TBC1D4: variants seen among roughly 807,000 people sequenced by gnomAD.
TBC1D4 encodes the protein TBC (Tre-2, BUB2, CDC16) domain-containing protein.
Under a neutral mutation model 142.5 loss-of-function variants are expected in TBC1D4, and 121 were observed. That is an observed-to-expected ratio of 0.85 (90% CI 0.73 to 0.99). The LOEUF (loss-of-function observed/expected upper bound fraction) is 0.99. TBC1D4 is among the 50% of genes least tolerant of loss of function. The probability of loss-of-function intolerance (pLI) is 0.00; values close to 1 mark genes in which losing one functional copy is unlikely to be tolerated. For missense variants in TBC1D4, 1,475 were observed against 1,606.6 expected, an observed-to-expected ratio of 0.92 and a Z score of 1.40; for synonymous variants, 630 against 628.2, an observed-to-expected ratio of 1.00 and a Z score of -0.04.
intron 4 of TBC1D4, among the ~76,000 whole-genome samples, chr13:75,349,578 T>G (rs1488899177): frequency 6.6e-6 from 1 of 152,246 alleles, no homozygotes; most frequent in Admixed American, 6.5e-5. Flanking sequence ...CATTGAGGGC[T>G]ATGCCGTCAC....
In TBC1D4 at chr13:75,391,195, T is replaced by TACACACACAC. The variant is rs111629817; in HGVS notation, c.499-28598_499-28589dup. ...CTCTACTCTATCCTCCCCATCAGTT[T>TACACACACAC]ACACACACACACACACACACACACA... On this transcript the variant is annotated intron_variant, in intron 1 of 20. Coordinates refer to ENST00000377636, the MANE Select transcript of TBC1D4 (RefSeq NM_014832.5). 9.3e-4 allele frequency among the ~76,000 whole-genome samples: 132 copies of TACACACACAC among 142,020 alleles called. 1 individual carries two copies. The highest frequency in any genetic ancestry group is 3.0e-3 in the East Asian group (14 of 4,698). 93.2% of individuals were successfully genotyped at this position (142,020 alleles called of 152,430 possible). A position where few individuals can be genotyped will look rare whatever the true frequency, so the allele number is the denominator to read the frequency against.
At chr13:75,330,098 G>A (rs892249712) in intron 8 of TBC1D4, among the ~76,000 whole-genome samples, 5 of 151,980 alleles carry the variant, frequency 3.3e-5, no homozygotes, top group African/African-American at 4.8e-5. Context: ...TTTTCTTACT[G>A]GAACTCCTAC....
At chr13:75,409,888 A>T (rs1885538475) in intron 1 of TBC1D4, among the ~76,000 whole-genome samples, 2 of 152,300 alleles carry the variant, frequency 1.3e-5, no homozygotes, top group East Asian at 1.9e-4. Flanking sequence ...GCCCTGCTAT[A>T]TCATCTCTGG....
rs1473193019 is a variant in TBC1D4, at chr13:75,362,313, C to T, written c.793G>A (p.Asp265Asn). Residue 265 changes from aspartate (D) to asparagine (N), a missense_variant, in exon 2 of 21, where the codon GAC (aspartate) becomes AAC (asparagine). By Grantham distance (23) the Asp-to-Asn change is conservative. Coordinates refer to ENST00000377636, the MANE Select transcript of TBC1D4 (RefSeq NM_014832.5). This position sits in a 1 kb window ranked among gnomAD's most constrained non-coding sequence, Gnocchi z 4.2. ...CCGTCAGCCTCCTCCGGCAGGCAGT[C>T]TCCGGGGGACCCGGGCACCACCACC... The part of the protein sequence containing the change: ...LEVVVPGSPG[D>N]CLPEEADGTD... 1 of 1,614,026 alleles carries T rather than the reference C, an allele frequency of 6.2e-7. No homozygotes were observed. The highest frequency in any genetic ancestry group is 8.5e-7 in the Non-Finnish European group (1 of 1,180,032).
chr13:75,387,536 T>C (rs548588601), intron 1 of TBC1D4, among the ~76,000 whole-genome samples: 1 of 152,374 alleles, frequency 6.6e-6, no homozygotes, highest in Non-Finnish European at 1.5e-5. Context: ...CACTGAATTA[T>C]GCAAATTTTG....
chr13:75,417,343 GCAC>G (rs1259147800), intron 1 of TBC1D4, among the ~76,000 whole-genome samples: 1 of 152,160 alleles, frequency 6.6e-6, no homozygotes, highest in African/African-American at 2.4e-5. Context: ...CCTGTGTCCT[GCAC>G]CACCTGCCCC....
At chr13:75,397,736 T>C (rs1884868784) in intron 1 of TBC1D4, among the ~76,000 whole-genome samples, 1 of 152,180 alleles carries the variant, frequency 6.6e-6, no homozygotes, top group African/African-American at 2.4e-5. Context: ...TTCAAGGGAA[T>C]AGTATCATAA....
intron 1 of TBC1D4, among the ~76,000 whole-genome samples, chr13:75,464,307 AACGAGGGCAAGGAAC>A (rs556065155): frequency 7.9e-5 from 12 of 152,310 alleles, no homozygotes; most frequent in African/African-American, 2.4e-4. Context: ...GGTTTACCGG[AACGAGGGCAAGGAAC>A]ACTTGGCCCA....
chr13:75,453,661 A>G (rs1300600910), intron 1 of TBC1D4, among the ~76,000 whole-genome samples: 1 of 152,228 alleles, frequency 6.6e-6, no homozygotes, highest in Non-Finnish European at 1.5e-5. Flanking sequence ...CAGGTGTTCA[A>G]GACTAGCCTG....
chr13:75,286,654 C>T lies in TBC1D4; in HGVS notation c.*138G>A. On this transcript the variant is annotated 3_prime_UTR_variant, in exon 21 of 21. Transcript: ENST00000377636. ...ATGCTCTGATGAGCACGAGGTCCAC[C>T]TGCTGTGACTAGGCGCTCAGCACCA... 1 of 842,692 alleles carries T rather than the reference C, an allele frequency of 1.2e-6. No homozygotes were observed. Among genetic ancestry groups the T allele is most frequent in the Non-Finnish European group, 1.9e-6 (1 of 513,776 alleles). 52.2% of individuals were successfully genotyped at this position (842,692 alleles called of 1,614,324 possible).
chr13:75,286,665 A>T lies in TBC1D4; in HGVS notation c.*127T>A. On this transcript the variant is annotated 3_prime_UTR_variant, in exon 21 of 21. Coordinates refer to ENST00000377636, the MANE Select transcript of TBC1D4 (RefSeq NM_014832.5). ...AGCACGAGGTCCACCTGCTGTGACT[A>T]GGCGCTCAGCACCAGTATTAGGTGG... The T allele has an allele frequency of 1.1e-6, 1 of 907,954 alleles. No individual in the cohort carries two copies. Among genetic ancestry groups the T allele is most frequent in the Non-Finnish European group, 1.8e-6 (1 of 568,444 alleles). The allele number at this position is 907,954 out of a possible 1,614,324, so 56.2% of individuals were successfully genotyped here. A position where few individuals can be genotyped will look rare whatever the true frequency, so the allele number is the denominator to read the frequency against.
At position 75,416,721 on chromosome 13, in the gene TBC1D4, C is replaced by T. The variant is rs1342726746; in HGVS notation, c.499-54114G>A. On this transcript the variant is annotated intron_variant, in intron 1 of 20. Coordinates refer to ENST00000377636, the MANE Select transcript of TBC1D4 (RefSeq NM_014832.5). ...TGCCAGGTTGTGGATAATAAAAAGT[C>T]CCTAAAATAGTCTTCATTCGGTAAA... 2.0e-5 allele frequency among the ~76,000 whole-genome samples: 3 copies of T among 152,266 alleles called. No individual in the cohort carries two copies. The East Asian group carries it at 5.8e-4, about 29-fold the overall frequency.
At chr13:75,402,172 G>C (rs1885123373) in intron 1 of TBC1D4, among the ~76,000 whole-genome samples, 1 of 152,060 alleles carries the variant, frequency 6.6e-6, no homozygotes, top group Admixed American at 6.5e-5. Context: ...GAGAGTGGGG[G>C]GGTTAAATCA....
Position 75,295,124 on chromosome 13 carries a change from G to A in TBC1D4, c.3157-111C>T. ...TTTAATAACAAATTCACATATATAA[G>A]TAGTATTACTTTATTTTTATGATTT... On this transcript the variant is annotated intron_variant, in intron 17 of 20. Coordinates refer to ENST00000377636, the MANE Select transcript of TBC1D4 (RefSeq NM_014832.5). The A allele has an allele frequency of 3.0e-6, 3 of 984,364 alleles. No homozygotes were observed. In the South Asian group the frequency reaches 4.9e-5, roughly 16 times the overall value. The allele number at this position is 984,364 out of a possible 1,614,324, so 61.0% of individuals were successfully genotyped here. A position where few individuals can be genotyped will look rare whatever the true frequency, so the allele number is the denominator to read the frequency against.
chr13:75,368,754 T>C (rs1194615791), intron 1 of TBC1D4, among the ~76,000 whole-genome samples: 1 of 152,082 alleles, frequency 6.6e-6, no homozygotes, highest in Non-Finnish European at 1.5e-5. Context: ...ATAAAGAGAA[T>C]GAGGCCGGGC....
intron 13 of TBC1D4, among the ~76,000 whole-genome samples, chr13:75,311,617 C>T (rs1170079466): frequency 6.6e-6 from 1 of 152,070 alleles, no homozygotes; most frequent in Non-Finnish European, 1.5e-5. Context: ...TCCCTAGATC[C>T]GTTTCAATAG....
At chr13:75,357,974 T>C (rs574238281) in intron 3 of TBC1D4, among the ~76,000 whole-genome samples, 5 of 148,840 alleles carry the variant, frequency 3.4e-5, no homozygotes, top group Non-Finnish European at 5.9e-5. Context: ...TTCCAATTTT[T>C]GGTTTGGCTA....
intron 1 of TBC1D4, among the ~76,000 whole-genome samples, chr13:75,399,238 C>T (rs1333386240): frequency 1.3e-5 from 2 of 152,154 alleles, no homozygotes; most frequent in African/African-American, 2.4e-5. Flanking sequence ...CTGCAAACAT[C>T]AGCTGTTTCT....
rs376118646 is a variant in TBC1D4, at chr13:75,310,071, A to G, written c.2464T>C (p.Ser822Pro). The change falls in exon 14 of 21, where the codon TCT (serine) becomes CCT (proline). Residue 822 changes from serine (S) to proline (P), a missense_variant. Around this residue, in one of 2 missense-constraint regions of TBC1D4, gnomAD observed 1,227 missense variants for 1,267.7 expected, o/e 0.97. Coordinates refer to ENST00000377636, the MANE Select transcript of TBC1D4 (RefSeq NM_014832.5). Reference sequence around the variant, plus strand: ...ATCTTTTCTGGGTCATCCTCCCCAGACAGGAATACAACCAGCGGTTCCTCC... The same window carrying G: ...ATCTTTTCTGGGTCATCCTCCCCAGGCAGGAATACAACCAGCGGTTCCTCC... ...MEEEPLVVFL[S>P]GEDDPEKIEE... 6.2e-7 allele frequency: 1 copy of G among 1,613,992 alleles called. No individual in the cohort carries two copies. The highest frequency in any genetic ancestry group is 8.5e-7 in the Non-Finnish European group (1 of 1,180,010).
Sources: allele counts gnomAD v4.1 joint callset (sites outside exome capture counted in the v4.1 genomes callset), GRCh38; gene constraint gnomAD v4.1.1; regional missense constraint gnomAD v4.1.1; non-coding constraint Gnocchi (gnomAD v3.1); transcripts MANE v1.5; gene names NCBI Gene and HGNC (gene_info 2026-07-23, HGNC 2026-07-21).